Variants in AUTS2 observed in about 807,000 individuals in gnomAD.
AUTS2 encodes the protein activator of transcription and developmental regulator AUTS2, also known as autism susceptibility gene 2 protein.
A neutral mutation model predicts 112.4 loss-of-function variants in AUTS2; 17 were observed. That is an observed-to-expected ratio of 0.15 (90% CI 0.10 to 0.23). The LOEUF is 0.23. AUTS2 is among the 10% of genes least tolerant of loss of function. AUTS2 has a pLI of 1.00. For synonymous variants in AUTS2, 751 were observed against 702.7 expected (o/e 1.07, Z -1.09); for missense variants, 1,510 against 1,701.6 (o/e 0.89, Z 1.98).
chr7:70,771,676 A>G (rs369502753), intron 11 of AUTS2, 32 bp downstream of exon 11: 190 of 1,590,744 alleles, frequency 1.2e-4, no homozygotes, highest in Middle Eastern at 1.7e-4. Flanking sequence ...ACACACAGGC[A>G]TGTGTCTAAG....
chr7:70,544,900 G>A (rs1256182688), intron 5 of AUTS2, among the ~76,000 whole-genome samples: 1 of 152,118 alleles, frequency 6.6e-6, no homozygotes, highest in East Asian at 1.9e-4. Flanking sequence ...CAGGTATGCT[G>A]TGTACTGAAG....
chr7:70,684,279 A>G (rs767451568), intron 5 of AUTS2, among the ~76,000 whole-genome samples: 44 of 152,350 alleles, frequency 2.9e-4, no homozygotes, highest in Non-Finnish European at 3.4e-4. Context: ...ATGGACTAAC[A>G]TGCGGTTGGC....
At chr7:70,125,328 C>T (rs1805911477) in intron 3 of AUTS2, among the ~76,000 whole-genome samples, 1 of 151,250 alleles carries the variant, frequency 6.6e-6, no homozygotes, top group Non-Finnish European at 1.5e-5. Flanking sequence ...AAGACCAGAA[C>T]AACCTTTAGT....
intron 1 of AUTS2, among the ~76,000 whole-genome samples, chr7:69,770,796 T>C (rs1312720730): frequency 1.3e-5 from 1 of 77,660 alleles, no homozygotes; most frequent in East Asian, 3.2e-4. Flanking sequence ...TCCGCTTGCT[T>C]TTTTTCCCCC....
At chr7:69,785,997 A>AT (rs368612661) in intron 1 of AUTS2, among the ~76,000 whole-genome samples, 75 of 152,014 alleles carry the variant, frequency 4.9e-4, no homozygotes, top group African/African-American at 1.8e-3. Context: ...CGCCCAGCTA[A>AT]TTTTTTTTAT....
chr7:70,223,488 G>A lies in AUTS2; in HGVS notation c.660+88917G>A, dbSNP rs371194946. Among the ~76,000 whole-genome samples the A allele has an allele frequency of 1.8e-4, 28 of 152,286 alleles. No homozygotes were observed. In the East Asian group the frequency reaches 2.5e-3, roughly 14 times the overall value. On this transcript the variant is annotated intron_variant, in intron 4 of 18. Transcript: ENST00000342771. ...CTCTCACTTCTGTGCTGATGCTGGT[G>A]TAAACAAACCTACTGCGCTGCCAGT...
At chr7:70,298,113 C>A (rs2129612969) in intron 4 of AUTS2, among the ~76,000 whole-genome samples, 1 of 151,940 alleles carries the variant, frequency 6.6e-6, no homozygotes, top group South Asian at 2.1e-4. Flanking sequence ...CTCACTGCAA[C>A]CTCTGTCTCC....
intron 5 of AUTS2, among the ~76,000 whole-genome samples, chr7:70,682,570 G>C (rs748557181): frequency 2.6e-5 from 4 of 152,192 alleles, no homozygotes; most frequent in Non-Finnish European, 5.9e-5. Flanking sequence ...GGAACACAAA[G>C]GTGGTGCCCA....
chr7:69,957,597 T>G (rs1210770708), intron 2 of AUTS2, among the ~76,000 whole-genome samples: 1 of 152,180 alleles, frequency 6.6e-6, no homozygotes, highest in African/African-American at 2.4e-5. Flanking sequence ...ATGTTAGAAT[T>G]TTTTTGTACT....
intron 2 of AUTS2, among the ~76,000 whole-genome samples, chr7:69,925,974 G>A (rs545895372): frequency 1.3e-5 from 2 of 152,288 alleles, no homozygotes; most frequent in South Asian, 4.2e-4. Flanking sequence ...AACATAGTGA[G>A]ACCTTGTCTC....
chr7:69,687,373 A>T (rs1372357861), intron 1 of AUTS2, among the ~76,000 whole-genome samples: 1 of 152,192 alleles, frequency 6.6e-6, no homozygotes, highest in Non-Finnish European at 1.5e-5. Context: ...TGTAAGTGCA[A>T]GGTAGGCACT....
chr7:70,773,546 CTTA>C (rs972894114), intron 11 of AUTS2, among the ~76,000 whole-genome samples: 2 of 152,294 alleles, frequency 1.3e-5, no homozygotes, highest in South Asian at 2.1e-4. Flanking sequence ...AGTATAATTC[CTTA>C]TTATTGTCTA....
chr7:70,301,899 C>T (rs1789233742), intron 4 of AUTS2, among the ~76,000 whole-genome samples: 1 of 151,836 alleles, frequency 6.6e-6, no homozygotes. Context: ...GCTGGGACCA[C>T]AAGTGTGCAC....
intron 6 of AUTS2, among the ~76,000 whole-genome samples, chr7:70,759,446 G>A (rs1329041437): frequency 1.3e-5 from 2 of 152,224 alleles, no homozygotes; most frequent in Non-Finnish European, 2.9e-5. Context: ...CAGAGCTGTG[G>A]AATCTGGATG....
intron 1 of AUTS2, among the ~76,000 whole-genome samples, chr7:69,750,222 G>A (rs1357338890): frequency 1.3e-5 from 2 of 151,970 alleles, no homozygotes; most frequent in Admixed American, 6.6e-5. Flanking sequence ...CTGGAAAAAG[G>A]CAAAAGCGTA....
At chr7:70,511,369 T>TA (rs1386357124) in intron 5 of AUTS2, among the ~76,000 whole-genome samples, 1 of 151,258 alleles carries the variant, frequency 6.6e-6, no homozygotes, top group Non-Finnish European at 1.5e-5. Context: ...GAGAAACTGT[T>TA]ACTTGGATAC....
intron 1 of AUTS2, among the ~76,000 whole-genome samples, chr7:69,841,109 C>T (rs1324330085): frequency 1.3e-5 from 2 of 152,152 alleles, no homozygotes; most frequent in African/African-American, 4.8e-5. Flanking sequence ...TGACGAACTA[C>T]ACAGCATCAC....
chr7:69,979,662 G>T (rs894634951), intron 2 of AUTS2, among the ~76,000 whole-genome samples: 3 of 152,170 alleles, frequency 2.0e-5, no homozygotes, highest in Non-Finnish European at 2.9e-5. Context: ...CAGCAATTGA[G>T]CCACTTGATA....
intron 2 of AUTS2, among the ~76,000 whole-genome samples, chr7:70,052,600 T>C (rs1226703450): frequency 2.6e-5 from 4 of 152,208 alleles, no homozygotes; most frequent in South Asian, 2.1e-4. Context: ...CACTAAAACC[T>C]GTGTAGGCCA....
Sources: gnomAD v4.1 joint callset for allele counts (sites outside exome capture counted in the v4.1 genomes callset) on GRCh38, gnomAD v4.1.1 for gene constraint, MANE v1.5 for transcripts, NCBI Gene and HGNC (gene_info 2026-07-23, HGNC 2026-07-21) for gene names.